PLEKHG1: variants seen among roughly 807,000 people sequenced by gnomAD.
The protein encoded by PLEKHG1 is pleckstrin homology domain-containing family G member 1.
PLEKHG1 carries 44 observed loss-of-function variants against 100.8 expected under a neutral mutation model. The observed-to-expected ratio is 0.44, with a 90% CI of 0.34 to 0.56. The LOEUF is 0.56. Ranked by LOEUF, PLEKHG1 falls within the 20% of genes least tolerant of loss-of-function variation. The pLI is 0.01. For missense variants in PLEKHG1, 1,545 were observed against 1,720.9 expected, an observed-to-expected ratio of 0.90 and a Z score of 1.81; for synonymous variants, 640 against 662.5, an observed-to-expected ratio of 0.97 and a Z score of 0.52.
chr6:150,823,174 G>A (rs1776399662), intron 13 of PLEKHG1, among the ~76,000 whole-genome samples: 1 of 152,090 alleles, frequency 6.6e-6, no homozygotes, highest in Non-Finnish European at 1.5e-5. Context: ...CTCTAAGGGT[G>A]TCTTCTCTAA....
intron 3 of PLEKHG1, among the ~76,000 whole-genome samples, chr6:150,661,009 G>A (rs1779166055): frequency 6.6e-6 from 1 of 152,144 alleles, no homozygotes; most frequent in Admixed American, 6.5e-5. Context: ...AAGGAGAATG[G>A]GATTCTTCCT....
At chr6:150,707,874 C>T (rs1210533756) in intron 3 of PLEKHG1, among the ~76,000 whole-genome samples, 3 of 152,116 alleles carry the variant, frequency 2.0e-5, no homozygotes, top group Non-Finnish European at 4.4e-5. Context: ...TTCACACAGA[C>T]ATAAAGACAG....
At chr6:150,793,298 A>T (rs1786102744) in intron 4 of PLEKHG1, among the ~76,000 whole-genome samples, 2 of 152,072 alleles carry the variant, frequency 1.3e-5, no homozygotes, top group Non-Finnish European at 2.9e-5. Context: ...GCTACTCTGG[A>T]GGTTGAGGTG....
chr6:150,601,574 T>A (rs1776359795), intron 1 of PLEKHG1, among the ~76,000 whole-genome samples: 1 of 152,208 alleles, frequency 6.6e-6, no homozygotes, highest in South Asian at 2.1e-4. Context: ...CTGACTTGAC[T>A]TTTTGTCTCA....
chr6:150,837,844 TAA>T (rs1362282143), intron 15 of PLEKHG1, among the ~76,000 whole-genome samples: 1 of 152,260 alleles, frequency 6.6e-6, no homozygotes, highest in Non-Finnish European at 1.5e-5. Flanking sequence ...TAATTAGTAT[TAA>T]GAGTCTTTAC....
intron 4 of PLEKHG1, among the ~76,000 whole-genome samples, chr6:150,788,874 C>G (rs186634828): frequency 6.6e-6 from 1 of 152,136 alleles, no homozygotes; most frequent in East Asian, 1.9e-4. Context: ...CACACACACG[C>G]ATACACACAC....
intron 3 of PLEKHG1, among the ~76,000 whole-genome samples, chr6:150,701,417 T>TTTTA (rs1261404373): frequency 7.4e-4 from 23 of 31,160 alleles, no homozygotes; most frequent in South Asian, 1.2e-3. Flanking sequence ...CAGTAATTCT[T>TTTTA]TATATATATA....
intron 2 of PLEKHG1, among the ~76,000 whole-genome samples, chr6:150,735,912 A>T (rs964473724): frequency 2.6e-5 from 4 of 152,274 alleles, no homozygotes; most frequent in African/African-American, 9.6e-5. Context: ...GAATGAAAGA[A>T]AACAGATAAA....
rs1779688400 is a variant in PLEKHG1 at position 150,674,658 on chromosome 6, TCTCTCTCTCTCTCTCTCTCTCTCTCC to T, written c.-99+23874_-99+23899del. On this transcript the variant is annotated intron_variant, in intron 3 of 3. Transcript: ENST00000367326. Reference sequence around the variant, plus strand: ...CTCTCTCTCTCTCTCTCTCTCTCTCTCTCTCTCTCTCTCTCTCTCTCTCTCCCCCCTCTTCTCTTCTTTCCATGGAG... The same window carrying T: ...CTCTCTCTCTCTCTCTCTCTCTCTCTCCCCTCTTCTCTTCTTTCCATGGAG... 6.4e-5 allele frequency among the ~76,000 whole-genome samples: 9 copies of T among 139,778 alleles called. No individual in the cohort carries two copies. In the South Asian group the frequency reaches 2.0e-3, roughly 31 times the overall value. 91.7% of individuals were successfully genotyped at this position (139,778 alleles called of 152,430 possible). A position where few individuals can be genotyped will look rare whatever the true frequency, so the allele number is the denominator to read the frequency against.
At chr6:150,761,009 A>C (rs1269252212) in intron 2 of PLEKHG1, among the ~76,000 whole-genome samples, 3 of 151,408 alleles carry the variant, frequency 2.0e-5, no homozygotes, top group Non-Finnish European at 4.4e-5. Context: ...TAACTTTTTT[A>C]GGTTTCAGTA....
intron 14 of PLEKHG1, among the ~76,000 whole-genome samples, chr6:150,829,358 A>G (rs1336139681): frequency 2.0e-5 from 3 of 152,194 alleles, no homozygotes; most frequent in African/African-American, 7.2e-5. Context: ...TCAGGCCTAT[A>G]ATCCTAGCAC....
exon 2 of PLEKHG1, chr6:150,733,765 C>G (rs11970607): frequency 6.2e-7 from 1 of 1,614,140 alleles, no homozygotes; most frequent in Non-Finnish European, 8.5e-7. Context: ...ATGGTTCCTT[C>G]GGCAGCAGAA....
At chr6:150,750,729 C>T (rs1267947017) in intron 2 of PLEKHG1, among the ~76,000 whole-genome samples, 1 of 127,828 alleles carries the variant, frequency 7.8e-6, no homozygotes, top group Non-Finnish European at 1.5e-5. Context: ...TGCAGTGAGC[C>T]GAGATCCCGC....
rs146961995 is a variant in PLEKHG1, at chr6:150,619,045, G to A, written c.-204+19028G>A. On this transcript the variant is annotated intron_variant, in intron 1 of 3. Transcript: ENST00000367326. Reference sequence around the variant, plus strand: ...CTGTGGTTAGCTGTGATTGCACCACGCACTCCAGCCTGGGCAATAGAGTAA... The same window carrying A: ...CTGTGGTTAGCTGTGATTGCACCACACACTCCAGCCTGGGCAATAGAGTAA... Among the ~76,000 whole-genome samples the A allele has an allele frequency of 7.1e-3, 1,076 of 152,184 alleles. 12 individuals carry two copies. The highest frequency in any genetic ancestry group is 0.025 in the African/African-American group (1,018 of 41,510).
At chr6:150,779,592 C>T (rs368350990) in intron 3 of PLEKHG1, among the ~76,000 whole-genome samples, 137 of 151,794 alleles carry the variant, frequency 9.0e-4, no homozygotes, top group Middle Eastern at 3.4e-3. Flanking sequence ...GTGATCCGCC[C>T]GCCTCGGCCT....
intron 1 of PLEKHG1, among the ~76,000 whole-genome samples, chr6:150,619,298 C>T (rs1418948610): frequency 1.3e-5 from 2 of 152,134 alleles, no homozygotes; most frequent in Admixed American, 6.5e-5. Flanking sequence ...TGCCTGCGTT[C>T]GCCTTTCCCA....
chr6:150,754,679 T>C (rs1783724351), intron 2 of PLEKHG1, among the ~76,000 whole-genome samples: 1 of 151,406 alleles, frequency 6.6e-6, no homozygotes, highest in African/African-American at 2.4e-5. Flanking sequence ...CTTTTTTTTT[T>C]TTTTTTGAGA....
chr6:150,683,912 C>T lies in PLEKHG1; in HGVS notation c.-99+33126C>T, dbSNP rs1780019123. The T allele has an allele frequency of 3.2e-6, 3 of 943,248 alleles. No individual in the cohort carries two copies. The Admixed American group carries it at 9.4e-5, about 30-fold the overall frequency. 58.4% of individuals were successfully genotyped at this position (943,248 alleles called of 1,614,324 possible). Reference sequence around the variant, plus strand: ...GATGGAGCGATCCTATGGTTTGGCACCTGCAGCCAGGGTGGTGGCAAGGGC... The same window carrying T: ...GATGGAGCGATCCTATGGTTTGGCATCTGCAGCCAGGGTGGTGGCAAGGGC... On this transcript the variant is annotated intron_variant, in intron 3 of 3. Coordinates refer to the PLEKHG1 transcript ENST00000367326. This position sits in a 1 kb window ranked among gnomAD's most constrained non-coding sequence, Gnocchi z 4.0.
chr6:150,701,214 G>A (rs1221060558), intron 3 of PLEKHG1, among the ~76,000 whole-genome samples: 1 of 150,294 alleles, frequency 6.7e-6, no homozygotes, highest in East Asian at 2.0e-4. Context: ...CAGCAACTCG[G>A]GAGTCTGAAG....
Sources: allele counts gnomAD v4.1 joint callset (sites outside exome capture counted in the v4.1 genomes callset), GRCh38; gene constraint gnomAD v4.1.1; non-coding constraint Gnocchi (gnomAD v3.1); transcripts MANE v1.5; gene names NCBI Gene and HGNC (gene_info 2026-07-23, HGNC 2026-07-21).